MATN1: variants seen among roughly 807,000 people sequenced by gnomAD.
MATN1 encodes the protein matrilin-1.
In MATN1, 34 loss-of-function variants were observed where a neutral mutation model predicts 41.3. The observed-to-expected ratio is 0.82, with a 90% CI of 0.63 to 1.10. The LOEUF is 1.10. Among genes scored for constraint, MATN1 ranks in the 50% least tolerant of loss-of-function variants. The pLI is 0.00. For synonymous variants in MATN1, 264 were observed against 278.7 expected, an observed-to-expected ratio of 0.95 and a Z score of 0.53; for missense variants, 602 against 662.4, an observed-to-expected ratio of 0.91 and a Z score of 1.00.
In MATN1 at chr1:30,713,469, C is replaced by T. The variant is rs965545979; in HGVS notation, c.*113G>A. 1.2e-5 allele frequency: 12 copies of T among 999,276 alleles called. No homozygotes were observed. The highest frequency in any genetic ancestry group is 3.2e-5 in the African/African-American group (2 of 62,576). The allele number at this position is 999,276 out of a possible 1,614,324, so 61.9% of individuals were successfully genotyped here. ...AACGCCATTACACGCTCTCAATAGG[C>T]ACACCCAGACACACCCCCTCCCACC... On this transcript the variant is annotated 3_prime_UTR_variant, in exon 8 of 8. Transcript: ENST00000373765.
In MATN1 at chr1:30,713,033, G is replaced by A. The variant is rs1639572638; in HGVS notation, c.*549C>T. The stretch of plus-strand genomic sequence containing the variant: ...GACAAACACCAGCTGGTTTTGGTGT[G>A]GTCACTGTCATCACTGTCACCACCA... On this transcript the variant is annotated 3_prime_UTR_variant, in exon 8 of 8. Transcript: ENST00000373765. The A allele has an allele frequency of 6.5e-6, 1 of 154,100 alleles. No homozygotes were observed. The highest frequency in any genetic ancestry group is 1.4e-5 in the Non-Finnish European group (1 of 68,972). The allele number at this position is 154,100 out of a possible 1,614,324, so 9.5% of individuals were successfully genotyped here. A position where few individuals can be genotyped will look rare whatever the true frequency, so the allele number is the denominator to read the frequency against.
chr1:30,716,301 G>C lies in MATN1; in HGVS notation c.815C>G (p.Ser272Trp). The change falls in exon 5 of 8, where the codon TCG becomes TGG. Residue 272 changes from serine to tryptophan, a missense_variant. Coordinates refer to ENST00000373765, the MANE Select transcript of MATN1 (RefSeq NM_002379.3). ...CNVCSGGGGSSATDLVFLIDG... is the reference protein window; with the variant it reads ...CNVCSGGGGSWATDLVFLIDG... ...AATGAGGAAGACCAGGTCAGTGGCC[G>C]AGCTGCCACCACCACCACTGCAGAC... is the stretch of plus-strand genomic sequence containing the variant. The C allele has an allele frequency of 6.2e-7, 1 of 1,613,784 alleles. No homozygotes were observed. The highest frequency in any genetic ancestry group is 8.5e-7 in the Non-Finnish European group (1 of 1,179,814).
At chr1:30,715,468 C>G (rs1041697164) in intron 5 of MATN1, among the ~76,000 whole-genome samples, 159 bp from the exon 6 acceptor site, 1 of 152,174 alleles carries the variant, frequency 6.6e-6, no homozygotes, top group Admixed American at 6.5e-5. Flanking sequence ...ATGAGAAAAT[C>G]AATATTTACT....
Position 30,716,147 on chromosome 1 carries a change from C to A in MATN1, c.969G>T (p.Val323=). ...AGCGACCCAGGGGGAACTCCTGGCG[C>A]ACAGAGCTTGAGTACTGCACCAGCC... ...QVGLVQYSSS[V]RQEFPLGRFH... The change falls in exon 5 of 8, where the codon GTG becomes GTT. Residue 323 remains valine, a synonymous_variant. Transcript: ENST00000373765. 1 of 1,614,206 alleles carries A rather than the reference C, an allele frequency of 6.2e-7. No homozygotes were observed. The highest frequency in any genetic ancestry group is 8.5e-7 in the Non-Finnish European group (1 of 1,180,044).
At chr1:30,714,164 G>T in intron 7 of MATN1, 83 bp downstream of exon 7, 3 of 1,164,800 alleles carry the variant, frequency 2.6e-6, no homozygotes, top group South Asian at 1.3e-5. Context: ...CTGCCCAACT[G>T]ACCACACTTG....
Position 30,714,319 on chromosome 1 carries a change from G to C in MATN1, c.1369C>G (p.Pro457Ala), listed in dbSNP as rs750795869. 9.9e-6 allele frequency: 16 copies of C among 1,610,114 alleles called. No homozygotes were observed. In the Admixed American group the frequency reaches 2.7e-4, roughly 27 times the overall value. ...LQKKICVEEDPCACESLVKFQ... is the reference protein window; with the variant it reads ...LQKKICVEEDACACESLVKFQ... ...TTCACCAGGGACTCGCAGGCACACG[G>C]GTCTTCCTCTGCAGGGGACAAGGAG... Residue 457 changes from proline (P) to alanine (A), a missense_variant, in exon 7 of 8, where the codon CCG becomes GCG. By Grantham distance (27) the Pro-to-Ala change is conservative. Coordinates refer to ENST00000373765, the MANE Select transcript of MATN1 (RefSeq NM_002379.3).
rs1252042215 is a variant in MATN1 at position 30,721,552 on chromosome 1, A to G, written c.294T>C (p.His98=). Residue 98 remains histidine, a synonymous_variant, in exon 2 of 8, where the codon CAT becomes CAC. Coordinates refer to ENST00000373765, the MANE Select transcript of MATN1 (RefSeq NM_002379.3). ...CCTGCAGCAGTGCGGCCTTGGAGAC[A>G]TGAGCCCGCAGCGAGAACTCCTGCT... ...TVKQEFSLRA[H]VSKAALLQAV... 10 of 1,613,342 alleles carry G rather than the reference A, an allele frequency of 6.2e-6. No individual in the cohort carries two copies. Among genetic ancestry groups the G allele is most frequent in the African/African-American group, 1.3e-5 (1 of 75,066 alleles).
chr1:30,721,843 G>T, intron 1 of MATN1, 92 bp from the exon 2 acceptor site: 1 of 1,065,102 alleles, frequency 9.4e-7, no homozygotes, highest in Non-Finnish European at 1.4e-6. Flanking sequence ...TTAGATCCAG[G>T]TGCGAGGCCT....
chr1:30,714,166 C>T (rs911519114), intron 7 of MATN1, 81 bp downstream of exon 7: 2 of 1,181,364 alleles, frequency 1.7e-6, no homozygotes. Flanking sequence ...GCCCAACTGA[C>T]CACACTTGGG....
At chr1:30,719,134 T>A in intron 2 of MATN1, 177 bp from the exon 3 acceptor site, 1 of 523,432 alleles carries the variant, frequency 1.9e-6, no homozygotes, top group South Asian at 2.9e-5. Context: ...CTGAGAGACG[T>A]GGCTGGGGGG....
At chr1:30,714,174 G>A in intron 7 of MATN1, 73 bp downstream of exon 7, 1 of 1,253,604 alleles carries the variant, frequency 8.0e-7, no homozygotes, top group Non-Finnish European at 1.1e-6. Context: ...GACCACACTT[G>A]GGCCATGCCC....
In MATN1 at chr1:30,713,362, C is replaced by A; in HGVS notation, c.*220G>T. On this transcript the variant is annotated 3_prime_UTR_variant, in exon 8 of 8. Coordinates refer to ENST00000373765, the MANE Select transcript of MATN1 (RefSeq NM_002379.3). ...CACATTCTGGCAAGACTCATGCCCACCCTCAGGCGCACGTGCACACACACA... is the reference window on the plus strand; with the variant it reads ...CACATTCTGGCAAGACTCATGCCCAACCTCAGGCGCACGTGCACACACACA... The A allele has an allele frequency of 1.7e-6, 1 of 582,956 alleles. No individual in the cohort carries two copies. The highest frequency in any genetic ancestry group is 3.1e-6 in the Non-Finnish European group (1 of 321,006). The allele number at this position is 582,956 out of a possible 1,614,324, so 36.1% of individuals were successfully genotyped here.
chr1:30,722,731 G>A (rs976168036), intron 1 of MATN1, among the ~76,000 whole-genome samples: 3 of 152,194 alleles, frequency 2.0e-5, no homozygotes, highest in African/African-American at 7.2e-5. Flanking sequence ...GAAACGTGCA[G>A]GGCCGTCCCA....
At chr1:30,718,694 C>A in intron 3 of MATN1, 41 bp downstream of exon 3, 3 of 1,421,746 alleles carry the variant, frequency 2.1e-6, no homozygotes, top group African/African-American at 1.5e-5. Flanking sequence ...CTCTCCCCTT[C>A]TCCGCCCCTG....
Position 30,712,194 on chromosome 1 carries a change from G to A in MATN1, c.*1388C>T, listed in dbSNP as rs1044226666. ...GCTCCATTAAACAAGAATAGGTTCA[G>A]AAAATCACCAAAGCTCCCCCTCTGA... On this transcript the variant is annotated 3_prime_UTR_variant, in exon 8 of 8. Coordinates refer to ENST00000373765, the MANE Select transcript of MATN1 (RefSeq NM_002379.3). 6.6e-6 allele frequency: 1 copy of A among 152,196 alleles called. No homozygotes were observed. Among genetic ancestry groups the A allele is most frequent in the African/African-American group, 2.4e-5 (1 of 41,426 alleles). The allele number at this position is 152,196 out of a possible 1,614,324, so 9.4% of individuals were successfully genotyped here.
Position 30,711,346 on chromosome 1 carries a change from T to C in MATN1, c.*2236A>G, listed in dbSNP as rs1639541264. On this transcript the variant is annotated 3_prime_UTR_variant, in exon 8 of 8. Transcript: ENST00000373765. Reference sequence around the variant, plus strand: ...TTACAGGTTACAAAGTAACTTGCCATCTGTCAGTAGACCATGGCTGCCCTC... The same window carrying C: ...TTACAGGTTACAAAGTAACTTGCCACCTGTCAGTAGACCATGGCTGCCCTC... The C allele has an allele frequency of 6.6e-6, 1 of 152,250 alleles. No homozygotes were observed. 9.4% of individuals were successfully genotyped at this position (152,250 alleles called of 1,614,324 possible).
In MATN1 at chr1:30,717,835, T is replaced by C. The variant is rs575252337; in HGVS notation, c.664+900A>G. 5.9e-5 allele frequency among the ~76,000 whole-genome samples: 9 copies of C among 152,180 alleles called. No homozygotes were observed. In the South Asian group the frequency reaches 1.9e-3, roughly 32 times the overall value. ...ACGCCCGGCTAATTTTTTGTATTTT[T>C]AGTAGAGACCGGTTTCACCATGTTG... On this transcript the variant is annotated intron_variant, in intron 3 of 7. Coordinates refer to ENST00000373765, the MANE Select transcript of MATN1 (RefSeq NM_002379.3).
In MATN1 at chr1:30,723,479, C is replaced by T; in HGVS notation, c.73G>A (p.Gly25Ser). ...TCACCTCTGGACTGGGGGGCGAGGC[C>T]AGGGCTGCACAGGGCCTGGAGCAGC... ...LLLLQALCSP[G>S]LAPQSRGHLC... The change falls in exon 1 of 8, where the codon GGC becomes AGC. Residue 25 changes from glycine (G) to serine (S), a missense_variant. Gly to Ser is a moderately conservative substitution (Grantham distance 56, BLOSUM62 0). Transcript: ENST00000373765. 6.6e-7 allele frequency: 1 copy of T among 1,526,058 alleles called. No homozygotes were observed. Among genetic ancestry groups the T allele is most frequent in the Non-Finnish European group, 8.8e-7 (1 of 1,136,568 alleles). 94.5% of individuals were successfully genotyped at this position (1,526,058 alleles called of 1,614,324 possible). A position where few individuals can be genotyped will look rare whatever the true frequency, so the allele number is the denominator to read the frequency against.
Position 30,723,472 on chromosome 1 carries a change from G to T in MATN1, c.80C>A (p.Ala27Asp), listed in dbSNP as rs754224196. Residue 27 changes from alanine to aspartate, a missense_variant, in exon 1 of 8, where the codon GCC (alanine) becomes GAC (aspartate). Physicochemically the swap from Ala to Asp is moderately radical, Grantham distance 126. Transcript: ENST00000373765. ...AGCCCCCTCACCTCTGGACTGGGGG[G>T]CGAGGCCAGGGCTGCACAGGGCCTG... ...LLQALCSPGL[A>D]PQSRGHLCRT... 3.4e-5 allele frequency: 52 copies of T among 1,522,920 alleles called. No homozygotes were observed. In the African/African-American group the frequency reaches 7.2e-4, roughly 21 times the overall value. The allele number at this position is 1,522,920 out of a possible 1,614,324, so 94.3% of individuals were successfully genotyped here.
Sources: gnomAD v4.1 joint callset for allele counts (sites outside exome capture counted in the v4.1 genomes callset) on GRCh38, gnomAD v4.1.1 for gene constraint, MANE v1.5 for transcripts, NCBI Gene and HGNC (gene_info 2026-07-23, HGNC 2026-07-21) for gene names.